The following RREB1 variants were observed in gnomAD, a reference collection of about 807,000 sequenced individuals.
RREB1 encodes ras responsive element binding protein 1.
RREB1 carries 27 observed loss-of-function variants against 117.8 expected under a neutral mutation model. The observed-to-expected ratio is 0.23, with a 90% CI of 0.17 to 0.32. The LOEUF is 0.32. RREB1 is among the 10% of genes least tolerant of loss of function. RREB1 has a pLI of 1.00. For synonymous variants in RREB1, 1,298 were observed against 1,026.7 expected (o/e 1.26, Z -5.05); for missense variants, 2,577 against 2,378.2 (o/e 1.08, Z -1.74).
intron 1 of RREB1, chr6:7,139,309 A>AT (rs1762466809): frequency 6.6e-6 from 1 of 152,188 alleles, no homozygotes; most frequent in Non-Finnish European, 1.5e-5. Flanking sequence ...GTAAGTTGAA[A>AT]TTTTATTTTA....
chr6:7,246,779 G>T lies in RREB1; in HGVS notation c.4329G>T (p.Ser1443=), dbSNP rs1340484885. The change falls in exon 12 of 13, where the codon TCG becomes TCT. Residue 1443 remains serine (S), a synonymous_variant. Transcript: ENST00000379938. ...AGGCAGGCGCCGGGGGCGCGGCCTCGCAGGAGCAGAAGCTCGCCTGCGACA... is the reference window on the plus strand; with the variant it reads ...AGGCAGGCGCCGGGGGCGCGGCCTCTCAGGAGCAGAAGCTCGCCTGCGACA... ...DGEAGAGGAA[S]QEQKLACDTC... The T allele has an allele frequency of 4.5e-6, 7 of 1,551,124 alleles. No homozygotes were observed. Among genetic ancestry groups the T allele is most frequent in the Admixed American group, 4.0e-5 (2 of 49,638 alleles).
At chr6:7,169,323 G>T (rs1376224216) in intron 1 of RREB1, among the ~76,000 whole-genome samples, 1 of 152,220 alleles carries the variant, frequency 6.6e-6, no homozygotes, top group Non-Finnish European at 1.5e-5. Context: ...GTGCCCTGTG[G>T]GCCCTCTGCC....
Position 7,231,144 on chromosome 6 carries a change from G to A in RREB1, c.3045G>A (p.Ala1015=), listed in dbSNP as rs200845305. Reference sequence around the variant, plus strand: ...CCCTGCAGGGCCCTGTTCAGCTGGCGGTCCCAATCTACTCCTCAGCCCTGG... The same window carrying A: ...CCCTGCAGGGCCCTGTTCAGCTGGCAGTCCCAATCTACTCCTCAGCCCTGG... ...AQPLQGPVQL[A]VPIYSSALVS... is the part of the protein sequence containing the mutation. The change falls in exon 10 of 13, where the codon GCG becomes GCA. Residue 1015 remains alanine (A), a synonymous_variant. Transcript: ENST00000379938. The A allele has an allele frequency of 2.4e-4, 389 of 1,612,434 alleles. 1 individual carries two copies. The highest frequency in any genetic ancestry group is 7.2e-5 in the Non-Finnish European group (85 of 1,179,866).
intron 6 of RREB1, among the ~76,000 whole-genome samples, chr6:7,198,473 G>T (rs1237931866): frequency 1.3e-5 from 2 of 152,172 alleles, no homozygotes; most frequent in Non-Finnish European, 2.9e-5. Flanking sequence ...GTCCTTCAGG[G>T]ATGCTCAGAG....
rs147834966 is a variant in RREB1, at chr6:7,230,850, C to T, written c.2751C>T (p.Ile917=). Residue 917 remains isoleucine, a synonymous_variant, in exon 10 of 13, where the codon ATC becomes ATT. Transcript: ENST00000379938. ...TGGTCCAAGTGAAGCAGGAAAACAT[C>T]TCCTTTCTGAGCCCTTCTTCCCTGG... ...LALVQVKQEN[I]SFLSPSSLVP... 107 of 1,614,130 alleles carry T rather than the reference C, an allele frequency of 6.6e-5. No individual in the cohort carries two copies. The highest frequency in any genetic ancestry group is 8.6e-5 in the Non-Finnish European group (102 of 1,180,046).
intron 9 of RREB1, among the ~76,000 whole-genome samples, chr6:7,227,076 A>C (rs1767625759): frequency 6.6e-6 from 1 of 152,142 alleles, no homozygotes; most frequent in Admixed American, 6.5e-5. Context: ...CTTTATCTCT[A>C]CAAAAAATTT....
rs1443468511 is a variant in RREB1 at position 7,155,528 on chromosome 6, C to G, written c.-284-21127C>G. ...GTTTCACCCTGTTGGCCTGGCTAGT[C>G]TCGAACTCCTGACCTCAGGTGATTG... On this transcript the variant is annotated intron_variant, in intron 1 of 12. Transcript: ENST00000379938. 7.2e-5 allele frequency among the ~76,000 whole-genome samples: 11 copies of G among 152,324 alleles called. No individual in the cohort carries two copies. In the East Asian group the frequency reaches 1.9e-3, roughly 27 times the overall value.
intron 9 of RREB1, among the ~76,000 whole-genome samples, chr6:7,227,996 G>A (rs1253491640): frequency 6.6e-6 from 1 of 152,240 alleles, no homozygotes; most frequent in Non-Finnish European, 1.5e-5. Flanking sequence ...GAACCCGGGA[G>A]GTGGAGGTCG....
At chr6:7,184,120 G>C (rs1764944703) in intron 4 of RREB1, 1 of 152,042 alleles carries the variant, frequency 6.6e-6, no homozygotes. Flanking sequence ...AGGCAGAGGT[G>C]GGAGGATTGC....
intron 1 of RREB1, among the ~76,000 whole-genome samples, chr6:7,158,456 C>G (rs1763489635): frequency 1.3e-5 from 2 of 152,164 alleles, no homozygotes; most frequent in African/African-American, 4.8e-5. Flanking sequence ...CTGTAATTTG[C>G]CCACTCCACA....
At position 7,141,974 on chromosome 6, in the gene RREB1, G is replaced by A. The variant is rs546712895; in HGVS notation, c.-285+33914G>A. ...CGCTCGTAATTCCAGCAATTTGGGA[G>A]GCCCAGGCAGGCGGATCATCTGAGG... is the stretch of plus-strand genomic sequence containing the variant. On this transcript the variant is annotated intron_variant, in intron 1 of 12. Coordinates refer to ENST00000379938, the MANE Select transcript of RREB1 (RefSeq NM_001003699.4). Among the ~76,000 whole-genome samples the A allele has an allele frequency of 2.0e-5, 3 of 152,350 alleles. No homozygotes were observed. The South Asian group carries it at 6.2e-4, about 32-fold the overall frequency.
At chr6:7,155,883 CT>C (rs1419009546) in intron 1 of RREB1, among the ~76,000 whole-genome samples, 1 of 152,116 alleles carries the variant, frequency 6.6e-6, no homozygotes, top group African/African-American at 2.4e-5. Flanking sequence ...CCCTTGGCTT[CT>C]TTGTCTTTTG....
At chr6:7,123,906 C>T (rs1201041681) in intron 1 of RREB1, among the ~76,000 whole-genome samples, 8 of 152,174 alleles carry the variant, frequency 5.3e-5, no homozygotes, top group Non-Finnish European at 1.0e-4. Flanking sequence ...CCACCGCGCC[C>T]GGCCTCATGT....
intron 11 of RREB1, among the ~76,000 whole-genome samples, chr6:7,244,125 T>C (rs1447986371): frequency 6.6e-6 from 1 of 151,788 alleles, no homozygotes; most frequent in African/African-American, 2.4e-5. Flanking sequence ...TAGCTGGGCA[T>C]GGTGGCTCAC....
intron 1 of RREB1, among the ~76,000 whole-genome samples, chr6:7,162,411 C>T (rs1763716710): frequency 6.6e-6 from 1 of 152,190 alleles, no homozygotes; most frequent in Admixed American, 6.5e-5. Flanking sequence ...TTTTGCTGTG[C>T]TGCCCTCGCC....
intron 1 of RREB1, chr6:7,108,706 T>C (rs1337680535): frequency 6.6e-6 from 1 of 151,838 alleles, no homozygotes; most frequent in Non-Finnish European, 1.5e-5. Flanking sequence ...CCCTAAGGTA[T>C]CCGGGGGTGC....
In RREB1 at chr6:7,204,053, G is replaced by A. The variant is rs185276314; in HGVS notation, c.426-6751G>A. Among the ~76,000 whole-genome samples, 59 of 152,308 alleles carry A rather than the reference G, an allele frequency of 3.9e-4. 1 individual carries two copies. The highest frequency in any genetic ancestry group is 1.9e-4 in the East Asian group (1 of 5,184). ...GCCTGGCTGACGGCATTCCCACAGCGAGCCTACAGACTGTGGGTTTACACT... is the reference window on the plus strand; with the variant it reads ...GCCTGGCTGACGGCATTCCCACAGCAAGCCTACAGACTGTGGGTTTACACT... On this transcript the variant is annotated intron_variant, in intron 6 of 12. Transcript: ENST00000379938.
At position 7,231,226 on chromosome 6, in the gene RREB1, C is replaced by T. The variant is rs200259456; in HGVS notation, c.3127C>T (p.Arg1043Cys). Reference protein sequence around the residue: ...SALLSGTALLRPLRPKPPLLL... With the variant: ...SALLSGTALLCPLRPKPPLLL... ...CCTCCTGAGTGGCACAGCCTTGCTG[C>T]GTCCACTGCGGCCCAAGCCCCCGCT... Residue 1043 changes from arginine (R) to cysteine (C), a missense_variant, in exon 10 of 13, where the codon CGT becomes TGT. Coordinates refer to ENST00000379938, the MANE Select transcript of RREB1 (RefSeq NM_001003699.4). The T allele has an allele frequency of 3.5e-5, 56 of 1,612,320 alleles. No homozygotes were observed. The East Asian group carries it at 5.8e-4, about 17-fold the overall frequency.
At position 7,249,165 on chromosome 6, in the gene RREB1, C is replaced by A; in HGVS notation, c.*197C>A. On this transcript the variant is annotated 3_prime_UTR_variant, in exon 13 of 13. Transcript: ENST00000379938. Reference sequence around the variant, plus strand: ...CCTTACCGCAGCCTGCGCGGGAGGCCACAGCCCGTGCCGATTCCAGTGCCT... The same window carrying A: ...CCTTACCGCAGCCTGCGCGGGAGGCAACAGCCCGTGCCGATTCCAGTGCCT... The A allele has an allele frequency of 1.9e-6, 1 of 527,232 alleles. No homozygotes were observed. The highest frequency in any genetic ancestry group is 3.3e-6 in the Non-Finnish European group (1 of 303,910). The allele number at this position is 527,232 out of a possible 1,614,324, so 32.7% of individuals were successfully genotyped here.
Sources: allele counts gnomAD v4.1 joint callset (sites outside exome capture counted in the v4.1 genomes callset), GRCh38; gene constraint gnomAD v4.1.1; transcripts MANE v1.5; gene names NCBI Gene and HGNC (gene_info 2026-07-23, HGNC 2026-07-21).